The following PDE4D variants were observed in gnomAD, a reference collection of about 807,000 sequenced individuals.
PDE4D encodes phosphodiesterase 4D.
In PDE4D, 24 loss-of-function variants were observed where a neutral mutation model predicts 87.4. That is an observed-to-expected ratio of 0.27 (90% CI 0.20 to 0.39). The LOEUF is 0.39. PDE4D is among the 10% of genes least tolerant of loss of function. PDE4D has a pLI of 1.00. For synonymous variants in PDE4D, 384 were observed against 383.2 expected (o/e 1.00, Z -0.02); for missense variants, 714 against 1,041.0 (o/e 0.69, Z 4.32).
chr5:60,233,689 A>G (rs1049154446), intron 1 of PDE4D, among the ~76,000 whole-genome samples: 1 of 151,842 alleles, frequency 6.6e-6, no homozygotes, highest in Non-Finnish European at 1.5e-5. Flanking sequence ...TCAAACACTT[A>G]TATAGTGCTT....
chr5:59,904,201 T>A lies in PDE4D; in HGVS notation c.272+84287A>T, dbSNP rs145538090. On this transcript the variant is annotated intron_variant, in intron 3 of 16. Transcript: ENST00000502484. ...TATGCTTTACCATGTGCATTTTACATATGTATAGATATGTATGTATATATG... is the reference window on the plus strand; with the variant it reads ...TATGCTTTACCATGTGCATTTTACAAATGTATAGATATGTATGTATATATG... Among the ~76,000 whole-genome samples the A allele has an allele frequency of 7.2e-5, 11 of 152,292 alleles. No homozygotes were observed. In the East Asian group the frequency reaches 2.1e-3, roughly 29 times the overall value.
intron 1 of PDE4D, among the ~76,000 whole-genome samples, chr5:59,251,846 A>G (rs2153529725): frequency 6.6e-6 from 1 of 152,358 alleles, no homozygotes; most frequent in South Asian, 2.1e-4. Context: ...CCATGCAGCC[A>G]TAAAAAAGAA....
chr5:59,326,853 TCC>T, intron 1 of PDE4D, among the ~76,000 whole-genome samples: 1 of 152,140 alleles, frequency 6.6e-6, no homozygotes, highest in South Asian at 2.1e-4. Context: ...ATTCCTAAAT[TCC>T]TTTCCAATTC....
At chr5:59,989,119 C>T (rs201144424) in intron 2 of PDE4D, among the ~76,000 whole-genome samples, 23,930 of 63,732 alleles carry the variant, frequency 0.38, 2,590 homozygotes, top group Non-Finnish European at 0.48. Flanking sequence ...TATATATACA[C>T]ACACACACAT....
intron 2 of PDE4D, among the ~76,000 whole-genome samples, chr5:60,062,987 G>A (rs1262354159): frequency 6.6e-6 from 1 of 151,792 alleles, no homozygotes; most frequent in Non-Finnish European, 1.5e-5. Flanking sequence ...AAACCCAGGT[G>A]ATGGGTTGAT....
chr5:59,812,953 T>G (rs1768534442), intron 1 of PDE4D, among the ~76,000 whole-genome samples: 1 of 152,248 alleles, frequency 6.6e-6, no homozygotes, highest in African/African-American at 2.4e-5. Flanking sequence ...GCTGCTGTAT[T>G]TCATTTAAAG....
At position 59,580,324 on chromosome 5, in the gene PDE4D, A is replaced by C. The variant is rs764864836; in HGVS notation, c.455+312844T>G. ...AGGGATTTGGATAAGAAATTCTCAG[A>C]AAGTTATATTGCCATTAAAGGATGT... is the stretch of plus-strand genomic sequence containing the variant. On this transcript the variant is annotated intron_variant, in intron 1 of 14. Coordinates refer to ENST00000340635, the MANE Select transcript of PDE4D (RefSeq NM_001104631.2). 9.4e-4 allele frequency among the ~76,000 whole-genome samples: 143 copies of C among 152,326 alleles called. 2 individuals carry two copies. The highest frequency in any genetic ancestry group is 7.8e-4 in the Non-Finnish European group (53 of 68,030).
At chr5:59,822,929 G>A (rs1769872871) in intron 1 of PDE4D, among the ~76,000 whole-genome samples, 1 of 152,210 alleles carries the variant, frequency 6.6e-6, no homozygotes, top group Non-Finnish European at 1.5e-5. Flanking sequence ...TAGACTGACT[G>A]CTGAAATCCT....
intron 1 of PDE4D, among the ~76,000 whole-genome samples, chr5:60,244,708 T>C (rs1399575151): frequency 6.6e-6 from 1 of 151,950 alleles, no homozygotes; most frequent in Non-Finnish European, 1.5e-5. Flanking sequence ...GAAAGGATGA[T>C]TTCTTCTATA....
At chr5:59,281,344 C>G (rs1374586583) in intron 1 of PDE4D, among the ~76,000 whole-genome samples, 1 of 151,912 alleles carries the variant, frequency 6.6e-6, no homozygotes, top group African/African-American at 2.4e-5. Context: ...GTTTTTTGTA[C>G]TAATTATTGG....
intron 3 of PDE4D, among the ~76,000 whole-genome samples, chr5:59,985,797 A>G (rs1345939122): frequency 1.3e-5 from 2 of 152,222 alleles, no homozygotes; most frequent in Non-Finnish European, 2.9e-5. Context: ...CAATTCTTGC[A>G]ATTGGCCCTG....
At chr5:60,127,874 T>C (rs1273083289) in intron 2 of PDE4D, among the ~76,000 whole-genome samples, 3 of 152,088 alleles carry the variant, frequency 2.0e-5, no homozygotes, top group East Asian at 3.9e-4. Context: ...ATGGGAAGTA[T>C]AGTGTAAGGC....
intron 2 of PDE4D, among the ~76,000 whole-genome samples, chr5:60,160,090 C>T (rs746209256): frequency 6.6e-6 from 1 of 152,088 alleles, no homozygotes. Context: ...GGATGAAGGC[C>T]TTTATGATGA....
intron 1 of PDE4D, among the ~76,000 whole-genome samples, chr5:60,285,412 A>C (rs13165296): frequency 0.3 from 45,095 of 151,660 alleles, 8,747 homozygotes; most frequent in African/African-American, 0.55. Context: ...GCTGTTGCTT[A>C]TTGAGCTTGT....
intron 1 of PDE4D, among the ~76,000 whole-genome samples, chr5:60,353,784 C>G (rs1759385967): frequency 6.6e-6 from 1 of 152,078 alleles, no homozygotes; most frequent in African/African-American, 2.4e-5. Flanking sequence ...TAAGTATGTG[C>G]CAAATACTTT....
intron 1 of PDE4D, among the ~76,000 whole-genome samples, chr5:60,421,838 G>A (rs908159702): frequency 6.6e-6 from 1 of 152,138 alleles, no homozygotes; most frequent in African/African-American, 2.4e-5. Flanking sequence ...ACAGTGTAGA[G>A]AAGACTTTAA....
At chr5:59,677,956 C>A (rs1029922133) in intron 1 of PDE4D, among the ~76,000 whole-genome samples, 1 of 152,198 alleles carries the variant, frequency 6.6e-6, no homozygotes, top group Non-Finnish European at 1.5e-5. Flanking sequence ...CCAAAAATCT[C>A]ATTTCTCTTT....
intron 1 of PDE4D, among the ~76,000 whole-genome samples, chr5:60,219,900 A>G (rs898254357): frequency 5.9e-5 from 9 of 152,318 alleles, no homozygotes; most frequent in Admixed American, 5.9e-4. Context: ...TTTCTTTCAT[A>G]GAAACATTTC....
chr5:59,101,192 T>C (rs1329796388), intron 5 of PDE4D, among the ~76,000 whole-genome samples: 9 of 152,106 alleles, frequency 5.9e-5, no homozygotes, highest in Non-Finnish European at 1.0e-4. Flanking sequence ...TTAATCCCTC[T>C]AGGGCCCGCC....
Sources: allele counts gnomAD v4.1 joint callset (sites outside exome capture counted in the v4.1 genomes callset), GRCh38; gene constraint gnomAD v4.1.1; transcripts MANE v1.5; gene names NCBI Gene and HGNC (gene_info 2026-07-23, HGNC 2026-07-21).